Variants in CACNA1A observed in about 807,000 individuals in gnomAD.
The protein encoded by CACNA1A is voltage-dependent P/Q-type calcium channel subunit alpha-1A.
A neutral mutation model predicts 262.4 loss-of-function variants in CACNA1A; 57 were observed. That is an observed-to-expected ratio of 0.22 (90% CI 0.18 to 0.27). The LOEUF (loss-of-function observed/expected upper bound fraction) is 0.27. CACNA1A is among the 10% of genes least tolerant of loss of function. CACNA1A has a pLI of 1.00. For missense variants in CACNA1A, 2,526 were observed against 3,562.8 expected (o/e 0.71, Z 7.41); for synonymous variants, 1,431 against 1,419.3 (o/e 1.01, Z -0.18).
chr19:13,487,688 T>C (rs114850139), intron 1 of CACNA1A, among the ~76,000 whole-genome samples: 5 of 146,760 alleles, frequency 3.4e-5, no homozygotes, highest in Admixed American at 6.8e-5. Context: ...AAAAAAAAAA[T>C]CCCACACCCA....
chr19:13,367,719 T>A (rs2059242308), intron 4 of CACNA1A, among the ~76,000 whole-genome samples: 1 of 151,542 alleles, frequency 6.6e-6, no homozygotes, highest in South Asian at 2.1e-4. Flanking sequence ...AAGTGCGAGA[T>A]TCCATCTCAA....
chr19:13,219,042 ATT>A (rs554840529), intron 38 of CACNA1A, among the ~76,000 whole-genome samples: 68 of 117,984 alleles, frequency 5.8e-4, no homozygotes, highest in East Asian at 1.6e-3. Flanking sequence ...CCCTTTGCAG[ATT>A]TTTTTTTTTT....
chr19:13,232,980 C>T (rs1307114548), intron 34 of CACNA1A, among the ~76,000 whole-genome samples: 2 of 151,026 alleles, frequency 1.3e-5, no homozygotes. Flanking sequence ...ACCTGGGAGG[C>T]AGAAGTTGCG....
At chr19:13,228,881 TG>T in intron 36 of CACNA1A, 2 of 666,352 alleles carry the variant, frequency 3.0e-6, no homozygotes, top group South Asian at 3.4e-5. Flanking sequence ...TGCCCGAGGC[TG>T]GGGTGTCCCT....
In CACNA1A at chr19:13,330,306, CT is replaced by C; in HGVS notation, c.1282del (p.Ser428AlafsTer18). The C allele has an allele frequency of 6.4e-7, 1 of 1,565,034 alleles. No homozygotes were observed. The highest frequency in any genetic ancestry group is 8.7e-7 in the Non-Finnish European group (1 of 1,153,742). On this transcript the variant is annotated frameshift_variant, in exon 10 of 47. Transcript: ENST00000360228. LOFTEE classifies it high-confidence loss of function. ...TTCGGGGTTGAGCAAATCTGTCTTG[CT>C]TTTCTTTATGGTGGTTCTCCGCAGA... ...DALRRTTIKKSKTDLLNPEEA... is the reference protein window; with the variant it reads ...DALRRTTIKKXKTDLLNPEEA...
At chr19:13,253,385 A>G (rs1458227991) in intron 29 of CACNA1A, among the ~76,000 whole-genome samples, 1 of 134,782 alleles carries the variant, frequency 7.4e-6, no homozygotes, top group Non-Finnish European at 1.6e-5. Context: ...TCACAATCCT[A>G]CCTTAGCCTC....
rs762530372 is a variant in CACNA1A at position 13,303,809 on chromosome 19, C to T, written c.2062G>A (p.Val688Met). The part of the protein sequence containing the change: ...KSQGGVQGGM[V>M]FSIYFIVLTL... ...AGTACAATGAAATAGATGGAGAACACCATGCCGCCCTGCACGCCCCCCTGA... is the reference window on the plus strand; with the variant it reads ...AGTACAATGAAATAGATGGAGAACATCATGCCGCCCTGCACGCCCCCCTGA... Residue 688 changes from valine to methionine, a missense_variant, in exon 16 of 47, where the codon GTG becomes ATG. By Grantham distance (21) the Val-to-Met change is conservative. This residue lies in a region of CACNA1A where 102 missense variants were observed against 278.9 expected (regional missense o/e 0.37). Transcript: ENST00000360228. The T allele has an allele frequency of 6.2e-7, 1 of 1,613,630 alleles. No individual in the cohort carries two copies. The highest frequency in any genetic ancestry group is 1.1e-5 in the South Asian group (1 of 91,078).
chr19:13,304,946 T>C (rs2057871407), intron 15 of CACNA1A, among the ~76,000 whole-genome samples: 1 of 152,176 alleles, frequency 6.6e-6, no homozygotes, highest in African/African-American at 2.4e-5. Context: ...CATGTGGTCA[T>C]GGTGATGATT....
Position 13,470,176 on chromosome 19 carries a change from C to T in CACNA1A, c.294-14964G>A, listed in dbSNP as rs543986425. On this transcript the variant is annotated intron_variant, in intron 1 of 46. Coordinates refer to ENST00000360228, the MANE Select transcript of CACNA1A (RefSeq NM_001127222.2). ...ATTCTTCCATCATTAAAACCTCCACCCTTGACTGAAAATTTTCCTTCAGCC... is the reference window on the plus strand; with the variant it reads ...ATTCTTCCATCATTAAAACCTCCACTCTTGACTGAAAATTTTCCTTCAGCC... 5.9e-5 allele frequency among the ~76,000 whole-genome samples: 9 copies of T among 152,184 alleles called. No individual in the cohort carries two copies. The East Asian group carries it at 1.7e-3, about 29-fold the overall frequency.
Position 13,317,315 on chromosome 19 carries a change from G to C in CACNA1A, c.1352C>G (p.Pro451Arg). 4 of 1,598,826 alleles carry C rather than the reference G, an allele frequency of 2.5e-6. No homozygotes were observed. Among genetic ancestry groups the C allele is most frequent in the Non-Finnish European group, 3.4e-6 (4 of 1,167,342 alleles). Reference sequence around the variant, plus strand: ...ACTTTTAATGCTGGCTCGGGCGAAGGGAGAACCTGCCAGGGAAAAGATGGA... The same window carrying C: ...ACTTTTAATGCTGGCTCGGGCGAAGCGAGAACCTGCCAGGGAAAAGATGGA... ...QLADIASVGS[P>R]FARASIKSAK... Residue 451 changes from proline (P) to arginine (R), a missense_variant, in exon 11 of 47, where the codon CCC (proline) becomes CGC (arginine). Around this residue, in one of 17 missense-constraint regions of CACNA1A, gnomAD observed 104 missense variants for 127.6 expected, o/e 0.81. Transcript: ENST00000360228.
At chr19:13,250,874 G>A (rs1027523822) in intron 30 of CACNA1A, among the ~76,000 whole-genome samples, 3 of 152,052 alleles carry the variant, frequency 2.0e-5, no homozygotes, top group Non-Finnish European at 4.4e-5. Flanking sequence ...TCTCATGCCT[G>A]TAATCCCAGC....
At chr19:13,263,913 G>A (rs2056800662) in intron 24 of CACNA1A, among the ~76,000 whole-genome samples, 1 of 152,124 alleles carries the variant, frequency 6.6e-6, no homozygotes, top group African/African-American at 2.4e-5. Flanking sequence ...GATACTTAAA[G>A]TGGCCCTTAT....
At position 13,307,778 on chromosome 19, in the gene CACNA1A, G is replaced by A; in HGVS notation, c.1986+4C>T. 6.2e-7 allele frequency: 1 copy of A among 1,613,656 alleles called. No homozygotes were observed. Among genetic ancestry groups the A allele is most frequent in the South Asian group, 1.1e-5 (1 of 91,068 alleles). On this transcript the variant is annotated splice_donor_region_variant and intron_variant, in intron 15 of 46. Transcript: ENST00000360228. Reference sequence around the variant, plus strand: ...TGGCCCGTGGGGCCAGGTGGAGGCTGTACCTGAAACACCGTCATTATTGCT... The same window carrying A: ...TGGCCCGTGGGGCCAGGTGGAGGCTATACCTGAAACACCGTCATTATTGCT...
intron 3 of CACNA1A, among the ~76,000 whole-genome samples, chr19:13,444,214 G>T (rs2060771497): frequency 6.6e-6 from 1 of 152,166 alleles, no homozygotes; most frequent in African/African-American, 2.4e-5. Context: ...TCACAGTGGG[G>T]AATCCTTTTG....
At chr19:13,297,603 G>T (rs2057690478) in intron 19 of CACNA1A, among the ~76,000 whole-genome samples, 1 of 152,108 alleles carries the variant, frequency 6.6e-6, no homozygotes, top group Admixed American at 6.6e-5. Context: ...TTGAGTTCAG[G>T]AGTTTGAGAC....
rs1020955467 is a variant in CACNA1A, at chr19:13,234,124, C to T, written c.5249+797G>A. On this transcript the variant is annotated intron_variant, in intron 34 of 46. Coordinates refer to ENST00000360228, the MANE Select transcript of CACNA1A (RefSeq NM_001127222.2). The stretch of plus-strand genomic sequence containing the variant: ...CAGCACTTTGGGAGGCCGAGGCGGG[C>T]GGATCACGAGGTCAGGAGATCGAGA... 1.1e-3 allele frequency among the ~76,000 whole-genome samples: 167 copies of T among 148,830 alleles called. 1 individual carries two copies. The highest frequency in any genetic ancestry group is 3.1e-3 in the African/African-American group (125 of 40,360).
At chr19:13,309,050 C>A (rs1299508900) in intron 12 of CACNA1A, among the ~76,000 whole-genome samples, 1 of 151,848 alleles carries the variant, frequency 6.6e-6, no homozygotes, top group Non-Finnish European at 1.5e-5. Context: ...CTCTTATCAC[C>A]CAGGCTGGTG....
intron 1 of CACNA1A, among the ~76,000 whole-genome samples, chr19:13,473,826 T>C (rs1325970321): frequency 6.6e-6 from 1 of 150,742 alleles, no homozygotes; most frequent in Non-Finnish European, 1.5e-5. Context: ...TCTTTACATC[T>C]CAGCGGCAGT....
intron 43 of CACNA1A, chr19:13,211,326 C>G (rs921839185): frequency 6.5e-6 from 1 of 153,920 alleles, no homozygotes; most frequent in Non-Finnish European, 1.4e-5. Context: ...GTGCATGGGC[C>G]CCCGCTGTTC....
Sources: gnomAD v4.1 joint callset for allele counts (sites outside exome capture counted in the v4.1 genomes callset) on GRCh38, gnomAD v4.1.1 for gene constraint, gnomAD v4.1.1 regional missense constraint, MANE v1.5 for transcripts, NCBI Gene and HGNC (gene_info 2026-07-23, HGNC 2026-07-21) for gene names.